The following KCNK13 variants were observed in gnomAD, a reference collection of about 807,000 sequenced individuals.
The protein encoded by KCNK13 is potassium channel subfamily K member 13.
In KCNK13, 12 loss-of-function variants were observed where a neutral mutation model predicts 23.4. The ratio of observed to expected loss-of-function variants is 0.51; its 90% CI spans 0.33 to 0.83. KCNK13 has a LOEUF of 0.83. Among genes scored for constraint, KCNK13 ranks in the 40% least tolerant of loss-of-function variants. The pLI, the probability that KCNK13 is intolerant of heterozygous loss-of-function variation, is 0.02. For synonymous variants in KCNK13, 231 were observed against 229.5 expected, an observed-to-expected ratio of 1.01 and a Z score of -0.06; for missense variants, 463 against 556.3, an observed-to-expected ratio of 0.83 and a Z score of 1.69.
chr14:90,104,561 T>C (rs908753105), intron 1 of KCNK13, among the ~76,000 whole-genome samples: 1 of 152,154 alleles, frequency 6.6e-6, no homozygotes, highest in Non-Finnish European at 1.5e-5. Flanking sequence ...TTTATGTCTT[T>C]GAAGGCTTTG....
intron 1 of KCNK13, among the ~76,000 whole-genome samples, chr14:90,109,263 A>G (rs781213288): frequency 1.1e-4 from 17 of 152,124 alleles, no homozygotes; most frequent in Non-Finnish European, 2.4e-4. Context: ...TCTAGTGAGA[A>G]TGTTTAATTT....
chr14:90,062,432 G>A lies in KCNK13; in HGVS notation c.227G>A (p.Arg76His), dbSNP rs754163166. Residue 76 changes from arginine (R) to histidine (H), a missense_variant, in exon 1 of 2, where the codon CGC becomes CAC. By Grantham distance (29) the Arg-to-His change is conservative (BLOSUM62 0). Coordinates refer to ENST00000282146, the MANE Select transcript of KCNK13 (RefSeq NM_022054.4). The surrounding 1 kb of genome is among the most constrained non-coding windows in gnomAD (Gnocchi z 4.5). ...CGCGACGAGCTGCGCGGCTTCCTCC[G>A]CCACTACGAGGAGGCCACTCGGGCC... Reference protein sequence around the residue: ...LSRDELRGFLRHYEEATRAGI... With the variant: ...LSRDELRGFLHHYEEATRAGI... 1.3e-6 allele frequency: 2 copies of A among 1,547,074 alleles called. No individual in the cohort carries two copies. Among genetic ancestry groups the A allele is most frequent in the African/African-American group, 1.4e-5 (1 of 72,594 alleles).
chr14:90,170,151 C>T (rs1890348026), intron 1 of KCNK13, among the ~76,000 whole-genome samples: 1 of 151,840 alleles, frequency 6.6e-6, no homozygotes, highest in Non-Finnish European at 1.5e-5. Flanking sequence ...AAGCATTTAA[C>T]TAAGAGAAGA....
chr14:90,137,068 ATTCATGTTTC>A (rs879416360), intron 1 of KCNK13, among the ~76,000 whole-genome samples: 1 of 152,154 alleles, frequency 6.6e-6, no homozygotes, highest in Non-Finnish European at 1.5e-5. Context: ...AGTCCTTCTG[ATTCATGTTTC>A]TTCATGTTTG....
intron 1 of KCNK13, among the ~76,000 whole-genome samples, chr14:90,108,327 A>G (rs1280107951): frequency 1.3e-5 from 2 of 152,088 alleles, no homozygotes; most frequent in African/African-American, 2.4e-5. Context: ...CCTCTAAGCC[A>G]GTGTTTTTCA....
rs34114368 is a variant in KCNK13 at position 90,157,702 on chromosome 14, C to CTTTTTTTTTTT, written c.335-26402_335-26392dup. Reference sequence around the variant, plus strand: ...GGCCACCATACCTGGCTTGGCTTTCCTTTTTTTTTTTTTTTTTCAGACAGA... The same window carrying CTTTTTTTTTTT: ...GGCCACCATACCTGGCTTGGCTTTCCTTTTTTTTTTTTTTTTTTTTTTTTTTTTCAGACAGA... On this transcript the variant is annotated intron_variant, in intron 1 of 1. Transcript: ENST00000282146. Among the ~76,000 whole-genome samples, 226 of 100,294 alleles carry CTTTTTTTTTTT rather than the reference C, an allele frequency of 2.3e-3. 21 individuals carry two copies. The highest frequency in any genetic ancestry group is 0.017 in the East Asian group (41 of 2,478). 65.8% of individuals were successfully genotyped at this position (100,294 alleles called of 152,430 possible).
chr14:90,163,477 C>G (rs1890271762), intron 1 of KCNK13, among the ~76,000 whole-genome samples: 1 of 152,290 alleles, frequency 6.6e-6, no homozygotes, highest in South Asian at 2.1e-4. Context: ...TGTAGCTGCT[C>G]ATTCCTCTTT....
At chr14:90,177,355 C>A (rs530744111) in intron 1 of KCNK13, 34 of 152,268 alleles carry the variant, frequency 2.2e-4, no homozygotes, top group Non-Finnish European at 4.0e-4. Flanking sequence ...AAAGATAAAA[C>A]ATTAGAAAAT....
intron 1 of KCNK13, among the ~76,000 whole-genome samples, chr14:90,071,984 A>G (rs1889080852): frequency 6.6e-6 from 1 of 152,036 alleles, no homozygotes; most frequent in African/African-American, 2.4e-5. Flanking sequence ...CCTGGGGAAC[A>G]TCTCAGCCAT....
At chr14:90,150,296 C>T (rs1198424368) in intron 1 of KCNK13, among the ~76,000 whole-genome samples, 1 of 152,022 alleles carries the variant, frequency 6.6e-6, no homozygotes, top group Non-Finnish European at 1.5e-5. Flanking sequence ...AGCCCATGTG[C>T]TTAACTACTA....
chr14:90,183,946 T>G (rs2140450846), intron 1 of KCNK13, among the ~76,000 whole-genome samples, 165 bp from the exon 2 acceptor site: 1 of 152,274 alleles, frequency 6.6e-6, no homozygotes, highest in East Asian at 1.9e-4. Flanking sequence ...ACACTTAGTG[T>G]CTTCAAAAGC....
intron 1 of KCNK13, among the ~76,000 whole-genome samples, chr14:90,105,117 G>A (rs949301951): frequency 1.1e-4 from 16 of 152,024 alleles, no homozygotes; most frequent in African/African-American, 3.1e-4. Context: ...ATTTTGCTAC[G>A]TTAGGTAAAT....
At chr14:90,066,708 T>C (rs1466893969) in intron 1 of KCNK13, among the ~76,000 whole-genome samples, 1 of 152,226 alleles carries the variant, frequency 6.6e-6, no homozygotes, top group Non-Finnish European at 1.5e-5. Flanking sequence ...TAATTGAGAC[T>C]TTTGACTTAA....
chr14:90,159,294 A>G (rs1890227000), intron 1 of KCNK13, among the ~76,000 whole-genome samples: 1 of 152,190 alleles, frequency 6.6e-6, no homozygotes, highest in Non-Finnish European at 1.5e-5. Context: ...ATGTTTTTCC[A>G]GAGGTCTATG....
chr14:90,164,297 A>G (rs557833979), intron 1 of KCNK13, among the ~76,000 whole-genome samples: 12 of 152,364 alleles, frequency 7.9e-5, no homozygotes, highest in African/African-American at 2.9e-4. Context: ...TCTGACACTA[A>G]TAATACTAAA....
At chr14:90,090,151 C>T (rs1023247451) in intron 1 of KCNK13, among the ~76,000 whole-genome samples, 22 of 152,240 alleles carry the variant, frequency 1.4e-4, no homozygotes, top group African/African-American at 5.1e-4. Context: ...CGACCGCTTG[C>T]ACCATGTGCC....
intron 1 of KCNK13, among the ~76,000 whole-genome samples, chr14:90,087,412 A>G (rs1889293935): frequency 2.0e-5 from 3 of 152,116 alleles, no homozygotes; most frequent in African/African-American, 7.2e-5. Context: ...TTAAAAATAA[A>G]TTATTCTAAG....
chr14:90,120,247 T>A (rs1486090244), intron 1 of KCNK13, among the ~76,000 whole-genome samples: 1 of 152,192 alleles, frequency 6.6e-6, no homozygotes, highest in African/African-American at 2.4e-5. Flanking sequence ...GATGTGATCT[T>A]ATTCTTTTTA....
At chr14:90,147,363 C>G (rs76866143) in intron 1 of KCNK13, among the ~76,000 whole-genome samples, 5 of 152,156 alleles carry the variant, frequency 3.3e-5, no homozygotes, top group African/African-American at 1.2e-4. Flanking sequence ...AGCGATCCCC[C>G]CTCAGCCTCC....
Sources: gnomAD v4.1 joint callset for allele counts (sites outside exome capture counted in the v4.1 genomes callset) on GRCh38, gnomAD v4.1.1 for gene constraint, Gnocchi (gnomAD v3.1) non-coding constraint, MANE v1.5 for transcripts, NCBI Gene and HGNC (gene_info 2026-07-23, HGNC 2026-07-21) for gene names.